Variants in CAPRIN1 observed in about 807,000 individuals in gnomAD.
CAPRIN1 encodes caprin-1.
CAPRIN1 carries 29 observed loss-of-function variants against 100.9 expected under a neutral mutation model. The observed-to-expected ratio is 0.29, with a 90% CI of 0.21 to 0.39. The LOEUF (loss-of-function observed/expected upper bound fraction) is 0.39. Among genes scored for constraint, CAPRIN1 ranks in the 10% least tolerant of loss-of-function variants. The pLI, the probability that CAPRIN1 is intolerant of heterozygous loss-of-function variation, is 1.00. For missense variants in CAPRIN1, 795 were observed against 876.7 expected, an observed-to-expected ratio of 0.91 and a Z score of 1.18; for synonymous variants, 338 against 307.5, an observed-to-expected ratio of 1.10 and a Z score of -1.04.
chr11:34,076,750 T>G, intron 6 of CAPRIN1, 108 bp downstream of exon 6: 1 of 796,278 alleles, frequency 1.3e-6, no homozygotes, highest in Non-Finnish European at 2.0e-6. Context: ...TTTTTTTTTT[T>G]TGGAGACAGA....
chr11:34,083,178 T>C (rs1293741539), intron 9 of CAPRIN1, 137 bp downstream of exon 9: 2 of 635,250 alleles, frequency 3.1e-6, no homozygotes, highest in African/African-American at 1.8e-5. Flanking sequence ...CACCAGACTG[T>C]TACTTCCAAA....
chr11:34,092,183 T>A, intron 15 of CAPRIN1, 127 bp downstream of exon 15: 1 of 833,738 alleles, frequency 1.2e-6, no homozygotes, highest in Non-Finnish European at 1.8e-6. Flanking sequence ...ACCATATGAA[T>A]TTTTCATTTC....
chr11:34,075,332 A>G (rs911669376), intron 4 of CAPRIN1, among the ~76,000 whole-genome samples: 12 of 152,182 alleles, frequency 7.9e-5, no homozygotes, highest in African/African-American at 2.4e-4. Context: ...AAAGGTGGAA[A>G]GGAAAGCACT....
intron 11 of CAPRIN1, among the ~76,000 whole-genome samples, chr11:34,088,622 A>G (rs752518336): frequency 5.9e-5 from 9 of 152,176 alleles, no homozygotes; most frequent in African/African-American, 1.7e-4. Flanking sequence ...ACAGTTAGCT[A>G]TGATGGCGCC....
rs753405082 is a variant in CAPRIN1 at position 34,076,459 on chromosome 11, G to A, written c.590G>A (p.Arg197Gln). Reference sequence around the variant, plus strand: ...TTCTATAAGCTAGTAGACCCTGAACGGGACATGAGCTTGAGGTATTAGTGG... The same window carrying A: ...TTCTATAAGCTAGTAGACCCTGAACAGGACATGAGCTTGAGGTATTAGTGG... Reference protein sequence around the residue: ...DEFYKLVDPERDMSLRLNEQY... With the variant: ...DEFYKLVDPEQDMSLRLNEQY... The change falls in exon 5 of 19, where the codon CGG becomes CAG. Residue 197 changes from arginine (R) to glutamine (Q), a missense_variant. By Grantham distance (43) the Arg-to-Gln change is conservative (BLOSUM62 1). This residue lies in a region of CAPRIN1 where 648 missense variants were observed against 697.9 expected (regional missense o/e 0.93). Coordinates refer to ENST00000341394, the MANE Select transcript of CAPRIN1 (RefSeq NM_005898.5). 5 of 1,613,652 alleles carry A rather than the reference G, an allele frequency of 3.1e-6. No individual in the cohort carries two copies. Among genetic ancestry groups the A allele is most frequent in the East Asian group, 2.2e-5 (1 of 44,872 alleles).
chr11:34,086,540 A>G, intron 11 of CAPRIN1, 127 bp downstream of exon 11: 2 of 577,172 alleles, frequency 3.5e-6, no homozygotes, highest in Non-Finnish European at 6.1e-6. Flanking sequence ...AGGTCTTTTA[A>G]TTTGATAGAA....
At chr11:34,090,441 T>TG in intron 13 of CAPRIN1, 88 bp from the exon 14 acceptor site, 1 of 1,460,066 alleles carries the variant, frequency 6.8e-7, no homozygotes, top group Admixed American at 1.8e-5. Context: ...AAGTTTGAGA[T>TG]TAATTTACCA....
Position 34,052,497 on chromosome 11 carries a change from G to A in CAPRIN1, c.77G>A (p.Ser26Asn). The A allele has an allele frequency of 1.2e-6, 2 of 1,606,610 alleles. No individual in the cohort carries two copies. Among genetic ancestry groups the A allele is most frequent in the Non-Finnish European group, 1.7e-6 (2 of 1,177,626 alleles). ...GPPPPSGSSG[S>N]EAAAGAGAAA... Reference sequence around the variant, plus strand: ...CCACCGCCGTCGGGTTCCTCCGGGAGTGAGGCGGCCGCGGGAGCCGGGGCC... The same window carrying A: ...CCACCGCCGTCGGGTTCCTCCGGGAATGAGGCGGCCGCGGGAGCCGGGGCC... Residue 26 changes from serine (S) to asparagine (N), a missense_variant, in exon 2 of 19, where the codon AGT becomes AAT. By Grantham distance (46) the Ser-to-Asn change is conservative. Coordinates refer to ENST00000341394, the MANE Select transcript of CAPRIN1 (RefSeq NM_005898.5).
intron 15 of CAPRIN1, among the ~76,000 whole-genome samples, chr11:34,094,851 T>C (rs1851337736): frequency 6.6e-6 from 1 of 152,214 alleles, no homozygotes; most frequent in Non-Finnish European, 1.5e-5. Flanking sequence ...TAAGTTATTA[T>C]GCTGTGAGTT....
chr11:34,073,713 A>T (rs1030775041), intron 4 of CAPRIN1, among the ~76,000 whole-genome samples: 1 of 152,178 alleles, frequency 6.6e-6, no homozygotes, highest in East Asian at 1.9e-4. Flanking sequence ...GTGTGAGCCA[A>T]CGTGCCTAGC....
rs1193538109 is a variant in CAPRIN1 at position 34,082,805 on chromosome 11, A to C, written c.827-20A>C. The C allele has an allele frequency of 2.5e-6, 4 of 1,608,650 alleles. No individual in the cohort carries two copies. Among genetic ancestry groups the C allele is most frequent in the Non-Finnish European group, 3.4e-6 (4 of 1,176,918 alleles). Reference sequence around the variant, plus strand: ...TGACCTAAAAATCCTTTTGTTTTGCACCATTTTTTAACCTCTTAGAACCTG... The same window carrying C: ...TGACCTAAAAATCCTTTTGTTTTGCCCCATTTTTTAACCTCTTAGAACCTG... On this transcript the variant is annotated intron_variant, in intron 7 of 18. Transcript: ENST00000341394.
chr11:34,100,219 C>T lies in CAPRIN1; in HGVS notation c.*852C>T, dbSNP rs1851433960. 1 of 152,192 alleles carries T rather than the reference C, an allele frequency of 6.6e-6. No homozygotes were observed. The allele number at this position is 152,192 out of a possible 1,614,324, so 9.4% of individuals were successfully genotyped here. On this transcript the variant is annotated 3_prime_UTR_variant, in exon 19 of 19. Coordinates refer to ENST00000341394, the MANE Select transcript of CAPRIN1 (RefSeq NM_005898.5). ...TCCTTATGACATGTACATTGTCTGT[C>T]ACTAATCCTTGGATTTTGCTGTATT...
At position 34,101,209 on chromosome 11, in the gene CAPRIN1, G is replaced by A. The variant is rs938940019; in HGVS notation, c.*1842G>A. 2 of 152,204 alleles carry A rather than the reference G, an allele frequency of 1.3e-5. No individual in the cohort carries two copies. The highest frequency in any genetic ancestry group is 4.8e-5 in the African/African-American group (2 of 41,422). The allele number at this position is 152,204 out of a possible 1,614,324, so 9.4% of individuals were successfully genotyped here. A position where few individuals can be genotyped will look rare whatever the true frequency, so the allele number is the denominator to read the frequency against. On this transcript the variant is annotated 3_prime_UTR_variant, in exon 19 of 19. Coordinates refer to ENST00000341394, the MANE Select transcript of CAPRIN1 (RefSeq NM_005898.5). ...TTGGAAGGGTTAACCTGTTACTTTGGCAAATGAGTATTTTTTTGCTAGCAC... is the reference window on the plus strand; with the variant it reads ...TTGGAAGGGTTAACCTGTTACTTTGACAAATGAGTATTTTTTTGCTAGCAC...
At chr11:34,057,491 G>A (rs1453267418) in intron 2 of CAPRIN1, among the ~76,000 whole-genome samples, 1 of 152,120 alleles carries the variant, frequency 6.6e-6, no homozygotes, top group Non-Finnish European at 1.5e-5. Context: ...CATTTTGTGT[G>A]ACTTACAGAT....
intron 2 of CAPRIN1, among the ~76,000 whole-genome samples, chr11:34,069,928 AAAAAC>A (rs1565087256): frequency 1.3e-5 from 2 of 151,792 alleles, no homozygotes; most frequent in African/African-American, 2.4e-5. Flanking sequence ...AAAAAAAAGA[AAAAAC>A]AAAACTTATT....
At chr11:34,066,620 C>G (rs1459954001) in intron 2 of CAPRIN1, among the ~76,000 whole-genome samples, 1 of 141,222 alleles carries the variant, frequency 7.1e-6, no homozygotes, top group Non-Finnish European at 1.5e-5. Context: ...GCGTGAGCCA[C>G]TGTGCCTGGC....
At chr11:34,085,540 C>T (rs116634842) in intron 9 of CAPRIN1, among the ~76,000 whole-genome samples, 2,576 of 152,302 alleles carry the variant, frequency 0.017, 51 homozygotes, top group African/African-American at 0.059. Context: ...CATGGTGGCT[C>T]ATGCCTGTAT....
At position 34,090,219 on chromosome 11, in the gene CAPRIN1, C is replaced by G; in HGVS notation, c.1334C>G (p.Ser445Cys). The G allele has an allele frequency of 1.2e-6, 2 of 1,613,864 alleles. No homozygotes were observed. Among genetic ancestry groups the G allele is most frequent in the Non-Finnish European group, 1.7e-6 (2 of 1,179,788 alleles). The change falls in exon 13 of 19, where the codon TCT becomes TGT. Residue 445 changes from serine to cysteine, a missense_variant. This residue lies in a region of CAPRIN1 where 648 missense variants were observed against 697.9 expected (regional missense o/e 0.93). Coordinates refer to ENST00000341394, the MANE Select transcript of CAPRIN1 (RefSeq NM_005898.5). ...VSSTSEGYTA[S>C]QPLYQPSHAT... ...TCCACAAGTGAGGGGTACACAGCATCTCAACCCTTGTACCAGCCTTCTCAT... is the reference window on the plus strand; with the variant it reads ...TCCACAAGTGAGGGGTACACAGCATGTCAACCCTTGTACCAGCCTTCTCAT...
intron 2 of CAPRIN1, among the ~76,000 whole-genome samples, chr11:34,064,614 A>G (rs1400060635): frequency 1.3e-5 from 2 of 152,174 alleles, no homozygotes; most frequent in South Asian, 2.1e-4. Flanking sequence ...AATTAGACCA[A>G]TTGTCGTAAG....
Sources: gnomAD v4.1 joint callset for allele counts (sites outside exome capture counted in the v4.1 genomes callset) on GRCh38, gnomAD v4.1.1 for gene constraint, gnomAD v4.1.1 regional missense constraint, MANE v1.5 for transcripts, NCBI Gene and HGNC (gene_info 2026-07-23, HGNC 2026-07-21) for gene names.